Variants in STARD13 observed in about 807,000 individuals in gnomAD.
The protein encoded by STARD13 is stAR-related lipid transfer protein 13.
STARD13 carries 62 observed loss-of-function variants against 106.4 expected under a neutral mutation model. The observed-to-expected ratio is 0.58, with a 90% confidence interval of 0.48 to 0.72. The LOEUF (loss-of-function observed/expected upper bound fraction) is 0.72. STARD13 is among the 30% of genes least tolerant of loss of function. The pLI is 0.00. For synonymous variants in STARD13, 565 were observed against 553.0 expected, an observed-to-expected ratio of 1.02 and a Z score of -0.31; for missense variants, 1,387 against 1,424.0, an observed-to-expected ratio of 0.97 and a Z score of 0.42.
chr13:33,525,190 T>C, the STARD13 span, among the ~76,000 whole-genome samples: 1,010 of 152,086 alleles, frequency 6.6e-3, 11 homozygotes, highest in African/African-American at 0.022. Context: ...CCTGGCTACA[T>C]TTTTTTAGTT....
At chr13:33,583,619 ATTCT>A in the STARD13 span, among the ~76,000 whole-genome samples, 1 of 151,978 alleles carries the variant, frequency 6.6e-6, no homozygotes, top group Non-Finnish European at 1.5e-5. Flanking sequence ...CCTTATTTCC[ATTCT>A]TGATATTTAG....
At chr13:33,385,589 G>A in the STARD13 span, among the ~76,000 whole-genome samples, 1 of 151,510 alleles carries the variant, frequency 6.6e-6, no homozygotes, top group Admixed American at 6.6e-5. Context: ...GCTGGGCGCG[G>A]TGGCTCACGC....
chr13:33,666,304 T>G, the STARD13 span, among the ~76,000 whole-genome samples: 2 of 151,572 alleles, frequency 1.3e-5, no homozygotes, highest in African/African-American at 4.8e-5. Flanking sequence ...TTGTTTTTGG[T>G]TTTTTTTGAG....
the STARD13 span, among the ~76,000 whole-genome samples, chr13:33,656,631 G>A: frequency 6.6e-6 from 1 of 152,216 alleles, no homozygotes; most frequent in Non-Finnish European, 1.5e-5. Context: ...AACCAGGAAT[G>A]GAAATTGGGA....
rs759664096 is a variant in STARD13, at chr13:33,129,969, G to C, written c.708C>G (p.Pro236=). The C allele has an allele frequency of 1.9e-6, 3 of 1,613,118 alleles. No individual in the cohort carries two copies. Among genetic ancestry groups the C allele is most frequent in the Non-Finnish European group, 2.5e-6 (3 of 1,179,834 alleles). ...GGAAGGGGTGGTTGAGGACATCTCTGGGGGGCTGTGGGAGGCTGCTGCTGA... is the reference window on the plus strand; with the variant it reads ...GGAAGGGGTGGTTGAGGACATCTCTCGGGGGCTGTGGGAGGCTGCTGCTGA... ...PLVSSSLPQP[P]RDVLNHPFHP... is the part of the protein sequence containing the mutation. Residue 236 remains proline (P), a synonymous_variant, in exon 5 of 14, where the codon CCC becomes CCG. Coordinates refer to ENST00000336934, the MANE Select transcript of STARD13 (RefSeq NM_178006.4).
chr13:33,181,017 T>C (rs189435138), intron 1 of STARD13, among the ~76,000 whole-genome samples: 1 of 152,308 alleles, frequency 6.6e-6, no homozygotes, highest in African/African-American at 2.4e-5. Flanking sequence ...TTGAGAGGCC[T>C]GGGAAACCCT....
the STARD13 span, among the ~76,000 whole-genome samples, chr13:33,474,452 C>A: frequency 1.3e-5 from 2 of 152,182 alleles, no homozygotes; most frequent in Non-Finnish European, 2.9e-5. Context: ...GCTAGTGGAT[C>A]TTTCTATGTG....
At chr13:33,310,542 T>A (rs940599237) in intron 1 of STARD13, among the ~76,000 whole-genome samples, 1 of 152,150 alleles carries the variant, frequency 6.6e-6, no homozygotes, top group Non-Finnish European at 1.5e-5. Context: ...TCCTTTATTA[T>A]AAAAAAATAA....
intron 1 of STARD13, among the ~76,000 whole-genome samples, chr13:33,218,415 G>C (rs1465103328): frequency 6.6e-6 from 1 of 152,144 alleles, no homozygotes; most frequent in African/African-American, 2.4e-5. Context: ...TGTCCAGCCT[G>C]CCACCACTGG....
At chr13:33,601,966 C>T in the STARD13 span, among the ~76,000 whole-genome samples, 1 of 152,138 alleles carries the variant, frequency 6.6e-6, no homozygotes, top group Non-Finnish European at 1.5e-5. Flanking sequence ...TATGGAAAAA[C>T]ATTTTTTTCT....
the STARD13 span, among the ~76,000 whole-genome samples, chr13:33,613,101 G>A: frequency 6.6e-6 from 1 of 152,194 alleles, no homozygotes; most frequent in African/African-American, 2.4e-5. Flanking sequence ...GGAGATGGGG[G>A]TTAGGTCAAA....
chr13:33,233,827 G>T (rs1296663495), intron 1 of STARD13, among the ~76,000 whole-genome samples: 1 of 152,210 alleles, frequency 6.6e-6, no homozygotes, highest in Admixed American at 6.5e-5. Context: ...TGACACACCT[G>T]GTCTGGATGC....
intron 1 of STARD13, among the ~76,000 whole-genome samples, chr13:33,300,134 A>G (rs1892655061): frequency 6.6e-6 from 1 of 152,222 alleles, no homozygotes; most frequent in African/African-American, 2.4e-5. Flanking sequence ...ATAAGCTTGG[A>G]CAAATCAAAT....
chr13:33,205,729 A>T, intron 1 of STARD13: 1 of 444,844 alleles, frequency 2.2e-6, no homozygotes, highest in Non-Finnish European at 3.0e-6. Context: ...AAAACTTTTT[A>T]TATCAATGAC....
chr13:33,517,128 A>G, the STARD13 span, among the ~76,000 whole-genome samples: 10 of 152,050 alleles, frequency 6.6e-5, no homozygotes, highest in African/African-American at 2.4e-4. Context: ...TAAATTACCT[A>G]TGGGGCTCAG....
the STARD13 span, among the ~76,000 whole-genome samples, chr13:33,580,298 A>G: frequency 6.6e-6 from 1 of 152,128 alleles, no homozygotes; most frequent in Non-Finnish European, 1.5e-5. Context: ...GGATCTGGAA[A>G]GGCTACACAC....
At chr13:33,284,760 T>G (rs17078939) in intron 1 of STARD13, among the ~76,000 whole-genome samples, 2,479 of 152,122 alleles carry the variant, frequency 0.016, 67 homozygotes, top group African/African-American at 0.055. Context: ...TAAATTTTAG[T>G]AATGTCCAGA....
chr13:33,117,939 C>T, intron 8 of STARD13, 126 bp downstream of exon 8: 1 of 1,487,614 alleles, frequency 6.7e-7, no homozygotes, highest in Non-Finnish European at 8.9e-7. Flanking sequence ...TAGAGGAGAG[C>T]AGGATTACAT....
chr13:33,646,394 G>A, the STARD13 span, among the ~76,000 whole-genome samples: 1 of 152,336 alleles, frequency 6.6e-6, no homozygotes, highest in African/African-American at 2.4e-5. Context: ...GATATACAGA[G>A]GTAAGTGGCG....
Sources: gnomAD v4.1 joint callset for allele counts (sites outside exome capture counted in the v4.1 genomes callset) on GRCh38, gnomAD v4.1.1 for gene constraint, MANE v1.5 for transcripts, NCBI Gene and HGNC (gene_info 2026-07-23, HGNC 2026-07-21) for gene names.